SH3RF3: variants seen among roughly 807,000 people sequenced by gnomAD.
The protein encoded by SH3RF3 is E3 ubiquitin-protein ligase SH3RF3.
In SH3RF3, 29 loss-of-function variants were observed where a neutral mutation model predicts 66.3. That is an observed-to-expected ratio of 0.44 (90% confidence interval 0.33 to 0.60). The LOEUF (loss-of-function observed/expected upper bound fraction) is 0.60. SH3RF3 is among the 20% of genes least tolerant of loss of function. The pLI is 0.04. For missense variants in SH3RF3, 1,194 were observed against 1,190.9 expected, an observed-to-expected ratio of 1.00 and a Z score of -0.04; for synonymous variants, 583 against 532.0, an observed-to-expected ratio of 1.10 and a Z score of -1.32.
intron 9 of SH3RF3, among the ~76,000 whole-genome samples, chr2:109,493,353 A>G (rs1209858967): frequency 1.2e-5 from 1 of 84,168 alleles, no homozygotes; most frequent in African/African-American, 4.2e-5. Context: ...ACGTCATACA[A>G]ACAGACACAT....
At chr2:109,435,639 C>A (rs1406251664) in intron 6 of SH3RF3, among the ~76,000 whole-genome samples, 3 of 152,300 alleles carry the variant, frequency 2.0e-5, no homozygotes, top group African/African-American at 7.2e-5. Context: ...TGCCATCCTG[C>A]CATGAGGGCA....
At chr2:109,400,569 C>T (rs1467222935) in intron 4 of SH3RF3, among the ~76,000 whole-genome samples, 1 of 118,196 alleles carries the variant, frequency 8.5e-6, no homozygotes, top group Admixed American at 7.9e-5. Context: ...ACATACACAC[C>T]TGTGCGCACA....
chr2:109,382,353 GTGGGGCTGACTCAGCC>G (rs6146877), intron 3 of SH3RF3, among the ~76,000 whole-genome samples: 5,058 of 152,200 alleles, frequency 0.033, 115 homozygotes, highest in Non-Finnish European at 0.052. Flanking sequence ...GTCTGCTGCA[GTGGGGCTGACTCAGCC>G]TGGGGCTGAG....
chr2:109,270,608 G>A (rs1032522420), intron 1 of SH3RF3, among the ~76,000 whole-genome samples: 6 of 152,154 alleles, frequency 3.9e-5, no homozygotes, highest in South Asian at 2.1e-4. Context: ...AGGAGGCCAC[G>A]GGTGCAGGGC....
chr2:109,426,303 C>T (rs1467890176), intron 5 of SH3RF3, among the ~76,000 whole-genome samples: 1 of 152,212 alleles, frequency 6.6e-6, no homozygotes, highest in Non-Finnish European at 1.5e-5. Context: ...AAAGGATTCA[C>T]CATTCTAGGG....
chr2:109,379,410 C>T (rs1055808383), intron 3 of SH3RF3, among the ~76,000 whole-genome samples: 1 of 152,080 alleles, frequency 6.6e-6, no homozygotes, highest in Non-Finnish European at 1.5e-5. Context: ...TCCCGTGGTC[C>T]CACTCTCCAG....
At chr2:109,158,141 G>A (rs1057077918) in intron 1 of SH3RF3, among the ~76,000 whole-genome samples, 1 of 152,120 alleles carries the variant, frequency 6.6e-6, no homozygotes, top group Non-Finnish European at 1.5e-5. Context: ...GCCAAGACAG[G>A]ACTGTGACCC....
intron 8 of SH3RF3, among the ~76,000 whole-genome samples, chr2:109,476,106 G>A (rs1487669948): frequency 1.3e-5 from 2 of 152,204 alleles, no homozygotes; most frequent in Admixed American, 6.5e-5. Flanking sequence ...CAGGTTAAGT[G>A]TTCTTACCAA....
chr2:109,253,155 G>A (rs1252955587), intron 1 of SH3RF3, among the ~76,000 whole-genome samples: 1 of 152,066 alleles, frequency 6.6e-6, no homozygotes, highest in Non-Finnish European at 1.5e-5. Context: ...AGCCTTCTGA[G>A]TAGCTGGGAT....
At chr2:109,345,355 T>C (rs1682664226) in intron 1 of SH3RF3, among the ~76,000 whole-genome samples, 2 of 152,048 alleles carry the variant, frequency 1.3e-5, no homozygotes, top group Admixed American at 6.5e-5. Context: ...TGTGCTCAGA[T>C]AGCACGAGCC....
intron 2 of SH3RF3, among the ~76,000 whole-genome samples, chr2:109,353,036 C>T: frequency 6.6e-6 from 1 of 152,268 alleles, no homozygotes; most frequent in African/African-American, 2.4e-5. Context: ...GCCCCACCTG[C>T]TCTCCACTGG....
chr2:109,281,880 C>T (rs1274631000), intron 1 of SH3RF3, among the ~76,000 whole-genome samples: 1 of 152,154 alleles, frequency 6.6e-6, no homozygotes, highest in Non-Finnish European at 1.5e-5. Context: ...ACGGTTCCCA[C>T]TGAGAGGGAG....
intron 1 of SH3RF3, among the ~76,000 whole-genome samples, chr2:109,220,487 A>T (rs936139592): frequency 1.3e-5 from 2 of 152,262 alleles, no homozygotes; most frequent in East Asian, 1.9e-4. Flanking sequence ...GAGTGAAAAG[A>T]TAACCTAAAG....
chr2:109,295,737 T>C (rs6542809), intron 1 of SH3RF3, among the ~76,000 whole-genome samples: 51,312 of 151,756 alleles, frequency 0.34, 8,921 homozygotes, highest in South Asian at 0.41. Flanking sequence ...CCTGGGGAGG[T>C]TCACCTGAAT....
At chr2:109,371,828 G>A (rs1559048123) in intron 3 of SH3RF3, 147 bp downstream of exon 3, 7 of 713,602 alleles carry the variant, frequency 9.8e-6, no homozygotes, top group Non-Finnish European at 1.7e-5. Flanking sequence ...GCTATGTGTG[G>A]GCTTTGATTC....
intron 1 of SH3RF3, among the ~76,000 whole-genome samples, chr2:109,275,215 A>G (rs1424500655): frequency 6.6e-6 from 1 of 152,186 alleles, no homozygotes; most frequent in Non-Finnish European, 1.5e-5. Context: ...TGCTGCATAC[A>G]GTGAGGCCCC....
At chr2:109,279,112 G>GT (rs1252337496) in intron 1 of SH3RF3, among the ~76,000 whole-genome samples, 1 of 152,156 alleles carries the variant, frequency 6.6e-6, no homozygotes, top group East Asian at 1.9e-4. Flanking sequence ...GCAAATCCAC[G>GT]TATCACCTGG....
chr2:109,298,746 C>T (rs1489413878), intron 1 of SH3RF3, among the ~76,000 whole-genome samples: 1 of 152,138 alleles, frequency 6.6e-6, no homozygotes, highest in African/African-American at 2.4e-5. Flanking sequence ...GTGAAATATC[C>T]CTGATCTAAC....
At chr2:109,468,313 T>C (rs1052780958) in intron 8 of SH3RF3, among the ~76,000 whole-genome samples, 1 of 152,156 alleles carries the variant, frequency 6.6e-6, no homozygotes, top group Admixed American at 6.5e-5. Context: ...TGTCTAAATA[T>C]AGCTAAACAT....
Sources: gnomAD v4.1 joint callset for allele counts (sites outside exome capture counted in the v4.1 genomes callset) on GRCh38, gnomAD v4.1.1 for gene constraint, MANE v1.5 for transcripts, NCBI Gene and HGNC (gene_info 2026-07-23, HGNC 2026-07-21) for gene names.